TLE2: variants seen among roughly 807,000 people sequenced by gnomAD.
TLE2 encodes the protein transducin-like enhancer protein 2.
A neutral mutation model predicts 97.2 loss-of-function variants in TLE2; 74 were observed. The observed-to-expected ratio is 0.76, with a 90% CI of 0.63 to 0.92. The LOEUF (loss-of-function observed/expected upper bound fraction) is 0.92. Ranked by LOEUF, TLE2 falls within the 40% of genes least tolerant of loss-of-function variation. The probability of loss-of-function intolerance (pLI) is 0.00; values close to 1 mark genes in which losing one functional copy is unlikely to be tolerated. For synonymous variants in TLE2, 499 were observed against 432.1 expected, an observed-to-expected ratio of 1.15 and a Z score of -1.92; for missense variants, 1,038 against 1,008.7, an observed-to-expected ratio of 1.03 and a Z score of -0.39.
At chr19:3,014,060 G>A (rs924887227) in intron 10 of TLE2, among the ~76,000 whole-genome samples, 6 of 151,744 alleles carry the variant, frequency 4.0e-5, no homozygotes, top group Admixed American at 6.6e-5. Context: ...CCGCCTCCTG[G>A]GTTCAAGCGA....
intron 17 of TLE2, among the ~76,000 whole-genome samples, chr19:3,003,039 G>T (rs1375775671): frequency 6.6e-6 from 1 of 152,122 alleles, no homozygotes; most frequent in African/African-American, 2.4e-5. Flanking sequence ...AGCACCATCA[G>T]GGGTTGCGGG....
intron 1 of TLE2, among the ~76,000 whole-genome samples, chr19:3,036,939 C>G (rs1417387025): frequency 6.6e-6 from 1 of 152,078 alleles, no homozygotes; most frequent in Non-Finnish European, 1.5e-5. Flanking sequence ...CAGGATTTAG[C>G]GCCCCCATTG....
At chr19:3,014,398 G>A (rs1344891943) in intron 10 of TLE2, among the ~76,000 whole-genome samples, 172 bp downstream of exon 10, 1 of 152,132 alleles carries the variant, frequency 6.6e-6, no homozygotes, top group East Asian at 1.9e-4. Flanking sequence ...GTGCAGTGGA[G>A]AGGAGGTCGG....
Position 3,037,128 on chromosome 19 carries a change from T to C in TLE2, c.64-8325A>G, listed in dbSNP as rs143963577. Among the ~76,000 whole-genome samples the C allele has an allele frequency of 6.0e-3, 916 of 152,124 alleles. 13 individuals are homozygous for C. Among genetic ancestry groups the C allele is most frequent in the African/African-American group, 0.021 (870 of 41,498 alleles). On this transcript the variant is annotated intron_variant, in intron 1 of 18. Coordinates refer to the TLE2 transcript ENST00000426948. ...AGTGAAACCCGGTCTTTACTAAAAA[T>C]ACAAAAATTAGCCGGACATGGTGGC...
intron 13 of TLE2, 103 bp downstream of exon 13, chr19:3,009,439 C>T: frequency 1.5e-6 from 2 of 1,374,484 alleles, no homozygotes; most frequent in Non-Finnish European, 1.9e-6. Flanking sequence ...GCTCCCTTCC[C>T]TTTCTGCACT....
intron 3 of TLE2, 104 bp from the exon 4 acceptor site, chr19:3,027,977 C>T: frequency 1.6e-6 from 2 of 1,213,608 alleles, no homozygotes; most frequent in Non-Finnish European, 2.4e-6. Context: ...TCAGGGGAAT[C>T]ACAGCAGGAA....
chr19:3,011,166 G>C lies in TLE2; in HGVS notation c.874-6C>G. ...GTGCTGGCGGGAAGGTCATTCTGCA[G>C]AGAAAGGGCAGGACTGAAGGCCACC... On this transcript the variant is annotated splice_polypyrimidine_tract_variant and splice_region_variant and intron_variant, in intron 11 of 19. Coordinates refer to ENST00000262953, the MANE Select transcript of TLE2 (RefSeq NM_003260.5). 2 of 1,588,482 alleles carry C rather than the reference G, an allele frequency of 1.3e-6. No homozygotes were observed. Among genetic ancestry groups the C allele is most frequent in the Admixed American group, 1.7e-5 (1 of 57,170 alleles).
rs1420427411 is a variant in TLE2, at chr19:2,997,971, A to G, written c.2125-16T>C. 1.3e-5 allele frequency: 20 copies of G among 1,587,284 alleles called. No homozygotes were observed. The highest frequency in any genetic ancestry group is 1.7e-5 in the Non-Finnish European group (20 of 1,160,128). Reference sequence around the variant, plus strand: ...ACTCCTTGGACTGCCAAGGGAAGGGAGAGAGAAAAGGGCACAGTGAGGCAT... The same window carrying G: ...ACTCCTTGGACTGCCAAGGGAAGGGGGAGAGAAAAGGGCACAGTGAGGCAT... On this transcript the variant is annotated splice_polypyrimidine_tract_variant and intron_variant, in intron 19 of 19. Coordinates refer to ENST00000262953, the MANE Select transcript of TLE2 (RefSeq NM_003260.5).
chr19:3,031,715 A>C (rs1004347640), upstream of TLE2, among the ~76,000 whole-genome samples: 4 of 152,120 alleles, frequency 2.6e-5, no homozygotes, highest in African/African-American at 9.7e-5. Context: ...GGCACAGTCC[A>C]GCCTCAGGGC....
intron 3 of TLE2, among the ~76,000 whole-genome samples, 165 bp downstream of exon 3, chr19:3,028,154 C>A (rs1444346068): frequency 6.6e-6 from 1 of 152,086 alleles, no homozygotes; most frequent in Non-Finnish European, 1.5e-5. Context: ...TCTCCCCATT[C>A]CCAGAGCTGG....
Position 3,018,143 on chromosome 19 carries a change from A to G in TLE2, c.551-284T>C, listed in dbSNP as rs541921164. Among the ~76,000 whole-genome samples the G allele has an allele frequency of 5.3e-5, 8 of 151,384 alleles. No individual in the cohort carries two copies. In the South Asian group the frequency reaches 8.4e-4, roughly 16 times the overall value. On this transcript the variant is annotated intron_variant, in intron 7 of 19. Coordinates refer to ENST00000262953, the MANE Select transcript of TLE2 (RefSeq NM_003260.5). Reference sequence around the variant, plus strand: ...CAGCCGCTCTCATTGATCCCCTCACACTTTACGAGTTGGGGTCTTGCTCTG... The same window carrying G: ...CAGCCGCTCTCATTGATCCCCTCACGCTTTACGAGTTGGGGTCTTGCTCTG...
At position 3,038,386 on chromosome 19, in the gene TLE2, A is replaced by AT. The variant is rs957024908; in HGVS notation, c.63+7339dup. On this transcript the variant is annotated intron_variant, in intron 1 of 18. Transcript: ENST00000426948. ...ACCACACTCAGCTAATTTAAAAAAA[A>AT]TTTTTTTGTAGAGACAGGGTCTCAC... is the stretch of plus-strand genomic sequence containing the variant. Among the ~76,000 whole-genome samples the AT allele has an allele frequency of 9.2e-5, 14 of 152,154 alleles. No individual in the cohort carries two copies. In the South Asian group the frequency reaches 1.2e-3, roughly 14 times the overall value.
intron 1 of TLE2, among the ~76,000 whole-genome samples, chr19:3,044,576 C>T (rs938929870): frequency 7.9e-5 from 12 of 152,182 alleles, no homozygotes; most frequent in Non-Finnish European, 1.5e-4. Flanking sequence ...TGCGCCACCA[C>T]GCCCGGCTAA....
chr19:3,015,548 GGAGT>G (rs2145162972), intron 9 of TLE2, 101 bp downstream of exon 9: 1 of 867,358 alleles, frequency 1.2e-6, no homozygotes, highest in Non-Finnish European at 1.8e-6. Flanking sequence ...GGGAGGCTCC[GGAGT>G]GAGAGAATTA....
chr19:3,040,354 T>G (rs10407820), intron 1 of TLE2, among the ~76,000 whole-genome samples: 36,414 of 151,790 alleles, frequency 0.24, 4,421 homozygotes, highest in East Asian at 0.31. Flanking sequence ...TTGTTTGTTT[T>G]TTTTTTAAGA....
upstream of TLE2, among the ~76,000 whole-genome samples, chr19:3,033,741 C>T (rs2090043071): frequency 6.6e-6 from 1 of 152,134 alleles, no homozygotes; most frequent in Admixed American, 6.5e-5. Context: ...TCTCTAAGCA[C>T]AGGTGTGGTG....
intron 2 of TLE2, 69 bp downstream of exon 2, chr19:3,028,637 A>C (rs2089987172): frequency 6.4e-7 from 1 of 1,550,568 alleles, no homozygotes; most frequent in Non-Finnish European, 8.9e-7. Context: ...CCCGCCCTAT[A>C]CCCCGGAGGC....
intron 12 of TLE2, 96 bp downstream of exon 12, chr19:3,010,926 C>A: frequency 6.8e-7 from 1 of 1,472,388 alleles, no homozygotes. Flanking sequence ...AACACCAAGC[C>A]TGGAATCCCA....
chr19:3,043,366 T>TG (rs2090118607), intron 1 of TLE2, among the ~76,000 whole-genome samples: 7 of 127,014 alleles, frequency 5.5e-5, no homozygotes, highest in African/African-American at 2.7e-4. Flanking sequence ...TTCTGCAGCT[T>TG]TTTTTTTTTT....
Sources: gnomAD v4.1 joint callset for allele counts (sites outside exome capture counted in the v4.1 genomes callset) on GRCh38, gnomAD v4.1.1 for gene constraint, MANE v1.5 for transcripts, NCBI Gene and HGNC (gene_info 2026-07-23, HGNC 2026-07-21) for gene names.